The following CLPTM1L variants were observed in gnomAD, a reference collection of about 807,000 sequenced individuals.
The protein encoded by CLPTM1L is lipid scramblase CLPTM1L.
Under a neutral mutation model 70.9 loss-of-function variants are expected in CLPTM1L, and 38 were observed. The ratio of observed to expected loss-of-function variants is 0.54; its 90% CI spans 0.41 to 0.70. The LOEUF (loss-of-function observed/expected upper bound fraction) is 0.70. Ranked by LOEUF, CLPTM1L falls within the 30% of genes least tolerant of loss-of-function variation. CLPTM1L has a pLI of 0.00. For missense variants in CLPTM1L, 652 were observed against 705.9 expected (o/e 0.92, Z 0.87); for synonymous variants, 339 against 299.9 (o/e 1.13, Z -1.35).
intron 9 of CLPTM1L, among the ~76,000 whole-genome samples, chr5:1,328,441 A>G (rs1441595176): frequency 6.1e-5 from 9 of 147,086 alleles, no homozygotes; most frequent in African/African-American, 1.0e-4. Flanking sequence ...CCTCCTCTAC[A>G]GACACATTTC....
At chr5:1,324,647 CG>C (rs895988490) in intron 11 of CLPTM1L, 115 bp downstream of exon 11, 2 of 1,018,594 alleles carry the variant, frequency 2.0e-6, no homozygotes, top group African/African-American at 3.2e-5. Context: ...CTGCTCAAGG[CG>C]GGCTGACCCG....
intron 8 of CLPTM1L, chr5:1,331,437 CAG>C (rs1369597279): frequency 3.0e-5 from 10 of 329,786 alleles, no homozygotes; most frequent in Admixed American, 4.1e-5. Context: ...GGAACCAAGA[CAG>C]GGGATGTGAG....
intron 10 of CLPTM1L, 177 bp from the exon 11 acceptor site, chr5:1,324,990 C>T (rs1347641178): frequency 9.7e-6 from 6 of 618,224 alleles, no homozygotes; most frequent in Non-Finnish European, 1.7e-5. Flanking sequence ...CCGCATGGAT[C>T]CTTCCCGCCT....
chr5:1,344,308 G>C (rs767611736), intron 2 of CLPTM1L, 43 bp downstream of exon 2: 3 of 1,277,460 alleles, frequency 2.3e-6, no homozygotes, highest in East Asian at 4.6e-5. Flanking sequence ...CTGAACATGA[G>C]TAATGTTTTC....
At chr5:1,327,330 C>G (rs1221952216) in intron 9 of CLPTM1L, among the ~76,000 whole-genome samples, 5 of 149,108 alleles carry the variant, frequency 3.4e-5, no homozygotes, top group Admixed American at 6.6e-5. Flanking sequence ...TCCAGCTCCT[C>G]CTCTACAGAC....
intron 7 of CLPTM1L, among the ~76,000 whole-genome samples, chr5:1,332,791 T>C (rs191772319): frequency 8.4e-4 from 128 of 152,380 alleles, no homozygotes; most frequent in East Asian, 4.0e-3. Context: ...AACTTATAAA[T>C]TGAACTTTAT....
rs750217535 is a variant in CLPTM1L, at chr5:1,318,351, C to T, written c.*18G>A. The T allele has an allele frequency of 1.2e-5, 19 of 1,605,944 alleles. No homozygotes were observed. The highest frequency in any genetic ancestry group is 4.0e-5 in the African/African-American group (3 of 74,908). On this transcript the variant is annotated 3_prime_UTR_variant, in exon 17 of 17. Coordinates refer to ENST00000320895, the MANE Select transcript of CLPTM1L (RefSeq NM_030782.5). The surrounding 1 kb of genome is among the most constrained non-coding windows in gnomAD (Gnocchi z 8.9). ...GACAATTCAAGTTGCACTTGGCTGGCGGCAGCCCGGGCGGCCTTCAGTCCG... is the reference window on the plus strand; with the variant it reads ...GACAATTCAAGTTGCACTTGGCTGGTGGCAGCCCGGGCGGCCTTCAGTCCG...
chr5:1,335,209 C>T (rs759468040), intron 5 of CLPTM1L, 35 bp from the exon 6 acceptor site: 2 of 1,555,546 alleles, frequency 1.3e-6, no homozygotes, highest in Admixed American at 1.7e-5. Flanking sequence ...GCCCTGCCCT[C>T]ATACCCTTGC....
chr5:1,342,553 T>C lies in CLPTM1L; in HGVS notation c.264-693A>G, dbSNP rs1193789336. The stretch of plus-strand genomic sequence containing the variant: ...TACAGCCCCATGGAAAAACCTCGCA[T>C]TCCACCTGTTTACGGTTACATGAGT... On this transcript the variant is annotated intron_variant, in intron 2 of 16. Transcript: ENST00000320895. The surrounding 1 kb of genome is among the most constrained non-coding windows in gnomAD (Gnocchi z 4.3). 6.6e-6 allele frequency among the ~76,000 whole-genome samples: 1 copy of C among 152,210 alleles called. No homozygotes were observed. Among genetic ancestry groups the C allele is most frequent in the African/African-American group, 2.4e-5 (1 of 41,458 alleles).
intron 5 of CLPTM1L, among the ~76,000 whole-genome samples, chr5:1,335,534 G>A (rs1197570563): frequency 3.3e-5 from 5 of 152,264 alleles, no homozygotes; most frequent in East Asian, 1.9e-4. Flanking sequence ...CGCAGCATAC[G>A]GCGCTGAGCT....
At chr5:1,321,002 G>C (rs1579616514) in intron 15 of CLPTM1L, among the ~76,000 whole-genome samples, 1 of 152,220 alleles carries the variant, frequency 6.6e-6, no homozygotes, top group African/African-American at 2.4e-5. Flanking sequence ...CCTGAAACCA[G>C]AGCCAAGGCT....
At chr5:1,334,696 G>A (rs918590878) in intron 6 of CLPTM1L, among the ~76,000 whole-genome samples, 1 of 152,196 alleles carries the variant, frequency 6.6e-6, no homozygotes, top group African/African-American at 2.4e-5. Flanking sequence ...GGAGGCTGCA[G>A]TAACCAGAGA....
chr5:1,322,001 G>T (rs1374020920), intron 13 of CLPTM1L, among the ~76,000 whole-genome samples, 182 bp from the exon 14 acceptor site: 1 of 152,234 alleles, frequency 6.6e-6, no homozygotes, highest in African/African-American at 2.4e-5. Flanking sequence ...TTTCTGGCTG[G>T]TAAGTTTATC....
In CLPTM1L at chr5:1,321,636, T is replaced by G. The variant is rs983171706; in HGVS notation, c.1415A>C (p.Lys472Thr). 1 of 1,613,800 alleles carries G rather than the reference T, an allele frequency of 6.2e-7. No individual in the cohort carries two copies. Among genetic ancestry groups the G allele is most frequent in the Non-Finnish European group, 8.5e-7 (1 of 1,179,910 alleles). ...AHLPWKAFTY[K>T]AFNTFIDDVF... ...TTCCTCACCGGCTGTCACACTCACCTTGTAGGTGAAGGCCTTCCAGGGCAG... is the reference window on the plus strand; with the variant it reads ...TTCCTCACCGGCTGTCACACTCACCGTGTAGGTGAAGGCCTTCCAGGGCAG... The change falls in exon 15 of 17, where the codon AAG becomes ACG. Residue 472 changes from lysine to threonine, a missense_variant and splice_region_variant. Physicochemically the swap from Lys to Thr is moderately conservative, Grantham distance 78. This residue lies in a region of CLPTM1L where 240 missense variants were observed against 295.0 expected (regional missense o/e 0.81). Transcript: ENST00000320895.
chr5:1,342,002 T>C lies in CLPTM1L; in HGVS notation c.264-142A>G. ...AATGAAACCCACCTGCCCAGGGCTT[T>C]ACGAGTCGTGTGTGTGTGTGTGTGT... On this transcript the variant is annotated intron_variant, in intron 2 of 16. Transcript: ENST00000320895. The surrounding 1 kb of genome is among the most constrained non-coding windows in gnomAD (Gnocchi z 4.3). The C allele has an allele frequency of 1.6e-6, 1 of 637,468 alleles. No individual in the cohort carries two copies. Among genetic ancestry groups the C allele is most frequent in the Non-Finnish European group, 2.7e-6 (1 of 374,524 alleles). The allele number at this position is 637,468 out of a possible 1,614,324, so 39.5% of individuals were successfully genotyped here.
chr5:1,327,176 C>A (rs1752649327), intron 9 of CLPTM1L, among the ~76,000 whole-genome samples: 1 of 150,812 alleles, frequency 6.6e-6, no homozygotes, highest in Non-Finnish European at 1.5e-5. Context: ...CACATTCCAT[C>A]CAGCTCCTCC....
rs115552437 is a variant in CLPTM1L, at chr5:1,320,555, G to A, written c.1532+61C>T. On this transcript the variant is annotated intron_variant, in intron 16 of 16. Coordinates refer to ENST00000320895, the MANE Select transcript of CLPTM1L (RefSeq NM_030782.5). ...AGGGTGCGGTGAAAGCCGTCATTCC[G>A]TTCAGCAGCAGCCACGCCGCTGAGA... is the stretch of plus-strand genomic sequence containing the variant. 2.1e-3 allele frequency: 1,964 copies of A among 914,026 alleles called. 29 individuals are homozygous for A. In the African/African-American group the frequency reaches 0.03, roughly 14 times the overall value. 56.6% of individuals were successfully genotyped at this position (914,026 alleles called of 1,614,324 possible). A position where few individuals can be genotyped will look rare whatever the true frequency, so the allele number is the denominator to read the frequency against.
chr5:1,332,099 C>A, intron 7 of CLPTM1L: 1 of 582,394 alleles, frequency 1.7e-6, no homozygotes. Context: ...AGGGGCACTT[C>A]TGAAATAATA....
chr5:1,323,006 G>C, intron 12 of CLPTM1L, 95 bp from the exon 13 acceptor site: 1 of 1,264,952 alleles, frequency 7.9e-7, no homozygotes, highest in East Asian at 2.4e-5. Context: ...AAAATCCTCT[G>C]AAAATACCCA....
Sources: gnomAD v4.1 joint callset for allele counts (sites outside exome capture counted in the v4.1 genomes callset) on GRCh38, gnomAD v4.1.1 for gene constraint, gnomAD v4.1.1 regional missense constraint, Gnocchi (gnomAD v3.1) non-coding constraint, MANE v1.5 for transcripts, NCBI Gene and HGNC (gene_info 2026-07-23, HGNC 2026-07-21) for gene names.